Variants in MANBA observed in about 807,000 individuals in gnomAD.
The protein encoded by MANBA is beta-mannosidase.
MANBA carries 83 observed loss-of-function variants against 111.1 expected under a neutral mutation model. That is an observed-to-expected ratio of 0.75 (90% CI 0.63 to 0.90). The LOEUF (loss-of-function observed/expected upper bound fraction) is 0.90, where lower values mean the gene tolerates loss of function less well. Ranked by LOEUF, MANBA falls within the 40% of genes least tolerant of loss-of-function variation. MANBA has a pLI of 0.00. For synonymous variants in MANBA, 370 were observed against 378.7 expected, an observed-to-expected ratio of 0.98 and a Z score of 0.27; for missense variants, 1,036 against 1,069.0, an observed-to-expected ratio of 0.97 and a Z score of 0.43.
intron 13 of MANBA, among the ~76,000 whole-genome samples, chr4:102,645,150 G>T (rs1419803903): frequency 6.6e-6 from 1 of 151,668 alleles, no homozygotes; most frequent in Non-Finnish European, 1.5e-5. Context: ...TACTAATATG[G>T]TTTATTATAC....
At position 102,722,935 on chromosome 4, in the gene MANBA, T is replaced by C. The variant is rs556119925; in HGVS notation, c.485A>G (p.Gln162Arg). ...AQQSKAHTRY[Q>R]VPPDCPPLVQ... ...AAGTGGAGGGCAGTCTGGGGGAACCTGGTAGCGAGTGTGAGCTTTGCTCTG... is the reference window on the plus strand; with the variant it reads ...AAGTGGAGGGCAGTCTGGGGGAACCCGGTAGCGAGTGTGAGCTTTGCTCTG... Residue 162 changes from glutamine to arginine, a missense_variant, in exon 4 of 17, where the codon CAG becomes CGG. Gln to Arg is a conservative substitution (Grantham distance 43). Coordinates refer to ENST00000647097, the MANE Select transcript of MANBA (RefSeq NM_005908.4). The C allele has an allele frequency of 1.9e-6, 3 of 1,614,122 alleles. No individual in the cohort carries two copies. Among genetic ancestry groups the C allele is most frequent in the East Asian group, 2.2e-5 (1 of 44,882 alleles).
At chr4:102,731,422 A>G (rs1234599037) in intron 1 of MANBA, among the ~76,000 whole-genome samples, 1 of 152,132 alleles carries the variant, frequency 6.6e-6, no homozygotes, top group Non-Finnish European at 1.5e-5. Flanking sequence ...ATTTCCAGTT[A>G]TTTTTCACTT....
intron 1 of MANBA, among the ~76,000 whole-genome samples, chr4:102,755,577 TA>T (rs1723979249): frequency 6.6e-6 from 1 of 152,192 alleles, no homozygotes; most frequent in Non-Finnish European, 1.5e-5. Flanking sequence ...ACTTCATGAC[TA>T]AAACACCAAA....
At chr4:102,675,310 T>TG (rs1364657513) in intron 7 of MANBA, among the ~76,000 whole-genome samples, 1 of 152,222 alleles carries the variant, frequency 6.6e-6, no homozygotes, top group African/African-American at 2.4e-5. Context: ...AGAGACTACA[T>TG]GATGTGTGCC....
At chr4:102,714,381 C>T in intron 5 of MANBA, 57 bp downstream of exon 5, 1 of 1,509,796 alleles carries the variant, frequency 6.6e-7, no homozygotes, top group Non-Finnish European at 9.2e-7. Context: ...AATTATAAAC[C>T]CAATTTTTAT....
rs1287956833 is a variant in MANBA, at chr4:102,632,423, G to A, written c.2416-142C>T. ...TTGGTTCTACAACTGCTAAAGTGCAGTTTCAAACACAAAACAATACATGGA... is the reference window on the plus strand; with the variant it reads ...TTGGTTCTACAACTGCTAAAGTGCAATTTCAAACACAAAACAATACATGGA... On this transcript the variant is annotated intron_variant, in intron 16 of 16. Transcript: ENST00000647097. 9 of 688,586 alleles carry A rather than the reference G, an allele frequency of 1.3e-5. No individual in the cohort carries two copies. The East Asian group carries it at 1.9e-4, about 14-fold the overall frequency. The allele number at this position is 688,586 out of a possible 1,614,324, so 42.7% of individuals were successfully genotyped here. A position where few individuals can be genotyped will look rare whatever the true frequency, so the allele number is the denominator to read the frequency against.
intron 1 of MANBA, among the ~76,000 whole-genome samples, chr4:102,759,395 A>G (rs556916749): frequency 1.0e-3 from 155 of 152,308 alleles, no homozygotes; most frequent in African/African-American, 3.6e-3. Flanking sequence ...TTCTCAAAGC[A>G]GATATAAGTG....
At chr4:102,714,593 T>C in intron 4 of MANBA, 32 bp from the exon 5 acceptor site, 2 of 1,593,912 alleles carry the variant, frequency 1.3e-6, no homozygotes, top group Non-Finnish European at 1.7e-6. Flanking sequence ...GAAGATATAT[T>C]CTGATTATGG....
At chr4:102,712,538 TA>T (rs1553951115) in intron 5 of MANBA, among the ~76,000 whole-genome samples, 2 of 151,154 alleles carry the variant, frequency 1.3e-5, no homozygotes, top group African/African-American at 4.9e-5. Flanking sequence ...TTTTTTTTTT[TA>T]AACAGCATCT....
chr4:102,633,570 C>G, intron 16 of MANBA: 1 of 397,354 alleles, frequency 2.5e-6, no homozygotes, highest in Non-Finnish European at 4.4e-6. Flanking sequence ...TAAACATTAA[C>G]TAACAGTATT....
At chr4:102,734,823 T>C (rs982899314) in intron 1 of MANBA, among the ~76,000 whole-genome samples, 1 of 152,174 alleles carries the variant, frequency 6.6e-6, no homozygotes, top group Admixed American at 6.5e-5. Context: ...GCTTCTGTGA[T>C]GGTTTAGAGT....
chr4:102,672,197 GA>G lies in MANBA; in HGVS notation c.1113-800del, dbSNP rs1228385083. On this transcript the variant is annotated intron_variant, in intron 8 of 16. Transcript: ENST00000647097. Reference sequence around the variant, plus strand: ...TAAAAGGAAATTACTACAACTTTTGGAAAAAATCAGGGTTTAGTTACTGATG... The same window carrying G: ...TAAAAGGAAATTACTACAACTTTTGGAAAAATCAGGGTTTAGTTACTGATG... 6 of 397,750 alleles carry G rather than the reference GA, an allele frequency of 1.5e-5. No homozygotes were observed. The East Asian group carries it at 2.1e-4, about 14-fold the overall frequency. 24.6% of individuals were successfully genotyped at this position (397,750 alleles called of 1,614,324 possible).
chr4:102,659,494 C>G (rs1730825391), intron 11 of MANBA, among the ~76,000 whole-genome samples: 1 of 152,148 alleles, frequency 6.6e-6, no homozygotes, highest in Non-Finnish European at 1.5e-5. Context: ...TTCTGGTCAT[C>G]TTTCTAGTTT....
intron 1 of MANBA, among the ~76,000 whole-genome samples, chr4:102,750,534 T>C (rs1723751136): frequency 2.0e-5 from 3 of 152,182 alleles, no homozygotes. Context: ...TGTGGTTATG[T>C]TGAAGAAAAA....
intron 1 of MANBA, chr4:102,734,363 C>T: frequency 6.2e-7 from 1 of 1,609,042 alleles, no homozygotes; most frequent in Non-Finnish European, 8.5e-7. Context: ...GGGCCATGGC[C>T]TCTGACCTAG....
chr4:102,749,341 T>C (rs1025605610), intron 1 of MANBA, among the ~76,000 whole-genome samples: 2 of 152,142 alleles, frequency 1.3e-5, no homozygotes, highest in Non-Finnish European at 1.5e-5. Context: ...ATTTCAGCAA[T>C]TGTGGCACAG....
intron 4 of MANBA, 170 bp downstream of exon 4, chr4:102,722,701 A>G (rs1722632079): frequency 2.9e-6 from 2 of 689,300 alleles, no homozygotes; most frequent in Non-Finnish European, 5.1e-6. Context: ...ATTCTCCACA[A>G]TATTTCAAAT....
At chr4:102,658,027 C>A (rs1226426624) in intron 11 of MANBA, 127 bp from the exon 12 acceptor site, 4 of 717,864 alleles carry the variant, frequency 5.6e-6, no homozygotes, top group East Asian at 2.7e-5. Flanking sequence ...TTAGTAGGAC[C>A]ACTTACCTTC....
chr4:102,710,646 A>G (rs1722019025), intron 5 of MANBA, among the ~76,000 whole-genome samples: 1 of 152,154 alleles, frequency 6.6e-6, no homozygotes, highest in Admixed American at 6.5e-5. Context: ...CACTTTGTAC[A>G]GAAATAGAAA....
Sources: allele counts gnomAD v4.1 joint callset (sites outside exome capture counted in the v4.1 genomes callset), GRCh38; gene constraint gnomAD v4.1.1; transcripts MANE v1.5; gene names NCBI Gene and HGNC (gene_info 2026-07-23, HGNC 2026-07-21).